Variants in SH3TC2 observed in about 807,000 individuals in gnomAD.
SH3TC2 encodes SH3 domain and tetratricopeptide repeat-containing protein 2.
SH3TC2 carries 87 observed loss-of-function variants against 124.5 expected under a neutral mutation model. The observed-to-expected ratio is 0.70, with a 90% confidence interval of 0.59 to 0.84. The LOEUF is 0.84. SH3TC2 is among the 40% of genes least tolerant of loss of function. SH3TC2 has a pLI of 0.00. For synonymous variants in SH3TC2, 634 were observed against 628.5 expected (o/e 1.01, Z -0.13); for missense variants, 1,536 against 1,566.4 (o/e 0.98, Z 0.33).
chr5:149,040,136 T>A (rs1754343988), intron 7 of SH3TC2, among the ~76,000 whole-genome samples: 1 of 152,158 alleles, frequency 6.6e-6, no homozygotes, highest in Admixed American at 6.5e-5. Context: ...TTCAACAAAT[T>A]TTTACTGAGT....
In SH3TC2 at chr5:149,007,026, T is replaced by C; in HGVS notation, c.3530A>G (p.Tyr1177Cys). 1 of 1,614,014 alleles carries C rather than the reference T, an allele frequency of 6.2e-7. No individual in the cohort carries two copies. ...AGCCATCTCATACATGTGCAGGGAG[T>C]AGTACACTGTAGCCAGGCGGTGAAA... ...VAFHRLATVY[Y>C]SLHMYEMAED... The change falls in exon 16 of 17, where the codon TAC becomes TGC. Residue 1177 changes from tyrosine (Y) to cysteine (C), a missense_variant. Tyr to Cys is a radical substitution (Grantham distance 194, BLOSUM62 -2). Coordinates refer to ENST00000515425, the MANE Select transcript of SH3TC2 (RefSeq NM_024577.4).
Position 149,003,849 on chromosome 5 carries a change from CAAAAAAAA to C in SH3TC2, c.*854_*861del, listed in dbSNP as rs5872107. On this transcript the variant is annotated 3_prime_UTR_variant, in exon 17 of 17. Coordinates refer to ENST00000515425, the MANE Select transcript of SH3TC2 (RefSeq NM_024577.4). ...CTGGGCAACAGAGGAGAAACTGTCT[CAAAAAAAA>C]AAAAAAAAAAAAAAGACATGTATTG... The C allele has an allele frequency of 9.6e-4, 164 of 171,580 alleles. No individual in the cohort carries two copies. Among genetic ancestry groups the C allele is most frequent in the Middle Eastern group, 2.2e-3 (1 of 452 alleles). The allele number at this position is 171,580 out of a possible 1,614,324, so 10.6% of individuals were successfully genotyped here. A position where few individuals can be genotyped will look rare whatever the true frequency, so the allele number is the denominator to read the frequency against.
chr5:149,034,433 A>G, intron 8 of SH3TC2: 1 of 368,426 alleles, frequency 2.7e-6, no homozygotes, highest in Non-Finnish European at 5.4e-6. Flanking sequence ...AGAACGAGAG[A>G]GAGGCAATAT....
chr5:149,040,502 G>A (rs1007287579), intron 7 of SH3TC2, 102 bp downstream of exon 7: 26 of 1,083,162 alleles, frequency 2.4e-5, no homozygotes, highest in Middle Eastern at 2.0e-4. Flanking sequence ...TAGCAGAGAC[G>A]AGACAAAAAT....
In SH3TC2 at chr5:149,047,897, C is replaced by T; in HGVS notation, c.244G>A (p.Glu82Lys). The T allele has an allele frequency of 6.2e-7, 1 of 1,614,160 alleles. No individual in the cohort carries two copies. Among genetic ancestry groups the T allele is most frequent in the Non-Finnish European group, 8.5e-7 (1 of 1,180,020 alleles). ...ATGCGCACCTCCTGGTCCTCATTCTCCAGTGCCCAGAGCCGCCTCCGAGCA... is the reference window on the plus strand; with the variant it reads ...ATGCGCACCTCCTGGTCCTCATTCTTCAGTGCCCAGAGCCGCCTCCGAGCA... ...EAARRRLWAL[E>K]NEDQEVRMLF... is the part of the protein sequence containing the mutation. The change falls in exon 3 of 17, where the codon GAG becomes AAG. Residue 82 changes from glutamate to lysine, a missense_variant. This residue lies in a region of SH3TC2 where 1,102 missense variants were observed against 1,098.6 expected (regional missense o/e 1.00). Transcript: ENST00000515425.
intron 4 of SH3TC2, among the ~76,000 whole-genome samples, chr5:149,043,165 T>C (rs1754400771): frequency 6.6e-6 from 1 of 152,184 alleles, no homozygotes; most frequent in African/African-American, 2.4e-5. Context: ...AAGTTTACAG[T>C]GTTGACTATG....
At chr5:149,031,811 G>A in intron 8 of SH3TC2, 124 bp from the exon 9 acceptor site, 1 of 1,226,654 alleles carries the variant, frequency 8.2e-7, no homozygotes, top group Non-Finnish European at 1.2e-6. Flanking sequence ...TCCCGCAAAT[G>A]AAATTAGATT....
At chr5:149,022,717 T>C (rs183872302) in intron 12 of SH3TC2, among the ~76,000 whole-genome samples, 1 of 152,316 alleles carries the variant, frequency 6.6e-6, no homozygotes, top group East Asian at 1.9e-4. Context: ...TAAAAAGTAA[T>C]GTAGTATTGA....
chr5:149,049,595 T>C (rs1754522732), intron 2 of SH3TC2, among the ~76,000 whole-genome samples: 1 of 151,994 alleles, frequency 6.6e-6, no homozygotes, highest in Non-Finnish European at 1.5e-5. Context: ...GCCAAAACCC[T>C]GTCTTCTGAC....
chr5:149,026,630 T>C lies in SH3TC2; in HGVS notation c.2995A>G (p.Met999Val). 5.6e-6 allele frequency: 9 copies of C among 1,614,146 alleles called. No homozygotes were observed. The highest frequency in any genetic ancestry group is 7.6e-6 in the Non-Finnish European group (9 of 1,180,038). ...AGGGACTCCAGCAGCCTCCCTTCCA[T>C]CTCCCGGTCCCTGAGTTGCTGAGCC... ...ALAQQLRDRE[M>V]EGRLLESLGQ... The change falls in exon 12 of 17, where the codon ATG (methionine) becomes GTG (valine). Residue 999 changes from methionine (M) to valine (V), a missense_variant. By Grantham distance (21) the Met-to-Val change is conservative (BLOSUM62 1). Around this residue, in one of 3 missense-constraint regions of SH3TC2, gnomAD observed 426 missense variants for 443.5 expected, o/e 0.96. Coordinates refer to ENST00000515425, the MANE Select transcript of SH3TC2 (RefSeq NM_024577.4).
chr5:149,020,698 A>G (rs1361765476), intron 12 of SH3TC2, among the ~76,000 whole-genome samples: 1 of 152,214 alleles, frequency 6.6e-6, no homozygotes, highest in Non-Finnish European at 1.5e-5. Flanking sequence ...CAAAATTGTC[A>G]TTAAAGACAA....
intron 12 of SH3TC2, among the ~76,000 whole-genome samples, chr5:149,016,701 G>A (rs1049972355): frequency 2.2e-4 from 34 of 152,028 alleles, no homozygotes; most frequent in Non-Finnish European, 1.8e-4. Flanking sequence ...CGAGGCGGGC[G>A]GATCACGAGG....
In SH3TC2 at chr5:149,028,145, A is replaced by C. The variant is rs1432794; in HGVS notation, c.1587T>G (p.Arg529=). 1,568,066 of 1,614,122 alleles carry C rather than the reference A, an allele frequency of 0.97. 761,761 individuals carry two copies. The highest frequency in any genetic ancestry group is 1 in the East Asian group (44,864 of 44,868). Residue 529 remains arginine (R), a synonymous_variant, in exon 11 of 17, where the codon CGT becomes CGG. Coordinates refer to ENST00000515425, the MANE Select transcript of SH3TC2 (RefSeq NM_024577.4). The stretch of plus-strand genomic sequence containing the variant: ...TCAGCCGGCCCAGGAGGAAGCAGAG[A>C]CGGGCATGGGCCCAGGTCATGTGGC... ...KKSHMTWAHA[R]LCFLLGRLSI... is the part of the protein sequence containing the mutation.
rs1753477140 is a variant in SH3TC2, at chr5:148,994,675, G to A, written c.*10036C>T. ...GGTTGGTTGGTTAATTGGCTGGTTG[G>A]ATAAATGAATGGATGGATGGAAGGA... On this transcript the variant is annotated 3_prime_UTR_variant, in exon 17 of 17. Transcript: ENST00000515425. Among the ~76,000 whole-genome samples, 1 of 150,320 alleles carries A rather than the reference G, an allele frequency of 6.7e-6. No individual in the cohort carries two copies. The highest frequency in any genetic ancestry group is 2.1e-4 in the South Asian group (1 of 4,714).
At chr5:149,015,406 G>A (rs1041506774) in intron 12 of SH3TC2, among the ~76,000 whole-genome samples, 13 of 152,204 alleles carry the variant, frequency 8.5e-5, no homozygotes, top group Non-Finnish European at 1.9e-4. Flanking sequence ...AGATGGCCCA[G>A]AATGCCAATT....
At chr5:149,060,191 C>T (rs1336016416) in intron 1 of SH3TC2, among the ~76,000 whole-genome samples, 1 of 152,180 alleles carries the variant, frequency 6.6e-6, no homozygotes, top group African/African-American at 2.4e-5. Flanking sequence ...TTCAAACAGG[C>T]ATTGAAAATA....
intron 12 of SH3TC2, among the ~76,000 whole-genome samples, chr5:149,018,673 G>C (rs920187087): frequency 6.6e-6 from 1 of 152,150 alleles, no homozygotes; most frequent in Non-Finnish European, 1.5e-5. Context: ...ATAATTCAAG[G>C]TAAGATTTGG....
Position 149,003,914 on chromosome 5 carries a change from T to C in SH3TC2, c.*797A>G, listed in dbSNP as rs140821223. On this transcript the variant is annotated 3_prime_UTR_variant, in exon 17 of 17. Coordinates refer to ENST00000515425, the MANE Select transcript of SH3TC2 (RefSeq NM_024577.4). The stretch of plus-strand genomic sequence containing the variant: ...TCTCCCATCCATCAAGTCCTCCATC[T>C]CATCTGCCCCCATTGTGGATGAGAC... The C allele has an allele frequency of 1.2e-3, 377 of 317,640 alleles. 1 individual carries two copies. The highest frequency in any genetic ancestry group is 2.1e-3 in the Admixed American group (54 of 25,286). The allele number at this position is 317,640 out of a possible 1,614,324, so 19.7% of individuals were successfully genotyped here. A position where few individuals can be genotyped will look rare whatever the true frequency, so the allele number is the denominator to read the frequency against.
intron 8 of SH3TC2, among the ~76,000 whole-genome samples, chr5:149,032,688 G>C (rs894158278): frequency 3.3e-5 from 5 of 152,196 alleles, no homozygotes; most frequent in African/African-American, 1.2e-4. Flanking sequence ...AATGAAGTTG[G>C]TGGTTAGGGA....
Sources: allele counts gnomAD v4.1 joint callset (sites outside exome capture counted in the v4.1 genomes callset), GRCh38; gene constraint gnomAD v4.1.1; regional missense constraint gnomAD v4.1.1; transcripts MANE v1.5; gene names NCBI Gene and HGNC (gene_info 2026-07-23, HGNC 2026-07-21).